Variants in FERRY3 observed in about 807,000 individuals in gnomAD.
The protein encoded by FERRY3 is protein C12orf4.
the FERRY3 span, among the ~76,000 whole-genome samples, chr12:4,523,011 G>T: frequency 6.6e-6 from 1 of 152,160 alleles, no homozygotes; most frequent in Non-Finnish European, 1.5e-5. Flanking sequence ...TTTGATTGTG[G>T]TGATGATTTT....
chr12:4,526,294 G>T, the FERRY3 span, among the ~76,000 whole-genome samples: 1 of 152,062 alleles, frequency 6.6e-6, no homozygotes, highest in Admixed American at 6.5e-5. Flanking sequence ...TCTGGGCAAT[G>T]GTTACATGGT....
At chr12:4,510,651 C>T in the FERRY3 span, among the ~76,000 whole-genome samples, 91 of 151,396 alleles carry the variant, frequency 6.0e-4, 1 homozygote, top group African/African-American at 2.2e-3. Context: ...AACTAAGCTT[C>T]GTAAGTGAAG....
chr12:4,520,390 C>T, the FERRY3 span, among the ~76,000 whole-genome samples: 58 of 152,188 alleles, frequency 3.8e-4, no homozygotes, highest in Non-Finnish European at 7.6e-4. Context: ...GGACCCCCAA[C>T]TATGAGCCTA....
the FERRY3 span, chr12:4,535,995 T>TAAA: frequency 1.7e-5 from 20 of 1,174,888 alleles, no homozygotes; most frequent in East Asian, 6.3e-5. The surrounding 1 kb of genome is among the most constrained non-coding windows in gnomAD (Gnocchi z 4.0). Flanking sequence ...TGGTGTTACT[T>TAAA]AAAAAAAAAA....
At chr12:4,523,285 G>A in the FERRY3 span, among the ~76,000 whole-genome samples, 1 of 152,288 alleles carries the variant, frequency 6.6e-6, no homozygotes, top group African/African-American at 2.4e-5. Flanking sequence ...AGGAATACTT[G>A]ATTTTTAAAA....
the FERRY3 span, among the ~76,000 whole-genome samples, chr12:4,528,285 C>T: frequency 6.6e-6 from 1 of 152,054 alleles, no homozygotes; most frequent in Admixed American, 6.5e-5. Flanking sequence ...AAATGAAGTT[C>T]AACAGAAAGT....
the FERRY3 span, among the ~76,000 whole-genome samples, chr12:4,496,752 G>A: frequency 6.6e-6 from 1 of 152,158 alleles, no homozygotes; most frequent in Non-Finnish European, 1.5e-5. Flanking sequence ...TTCACTGTAT[G>A]TCTTGGAATT....
chr12:4,534,529 G>A, the FERRY3 span, among the ~76,000 whole-genome samples: 7 of 151,956 alleles, frequency 4.6e-5, no homozygotes, highest in Non-Finnish European at 1.0e-4. Context: ...TCAGCCTCCC[G>A]AGTAGCTGGG....
chr12:4,509,650 C>G, the FERRY3 span, among the ~76,000 whole-genome samples: 3,700 of 141,814 alleles, frequency 0.026, 295 homozygotes, highest in African/African-American at 0.089. Flanking sequence ...TGACACCTCA[C>G]ACGGCAGGGT....
chr12:4,531,723 C>A, the FERRY3 span, among the ~76,000 whole-genome samples: 2 of 152,194 alleles, frequency 1.3e-5, no homozygotes, highest in Non-Finnish European at 2.9e-5. Flanking sequence ...CACCCCTTAT[C>A]TTTCATGGCC....
chr12:4,512,222 AG>A, the FERRY3 span, among the ~76,000 whole-genome samples: 4 of 143,260 alleles, frequency 2.8e-5, no homozygotes, highest in Admixed American at 6.9e-5. Flanking sequence ...GACCAATAAC[AG>A]GATCTGAAAT....
At chr12:4,500,236 G>C in the FERRY3 span, 1 of 1,613,894 alleles carries the variant, frequency 6.2e-7, no homozygotes, top group Non-Finnish European at 8.5e-7. Flanking sequence ...ATAATGGCAG[G>C]ATCACGAGCA....
At chr12:4,522,000 C>T in the FERRY3 span, among the ~76,000 whole-genome samples, 1 of 152,206 alleles carries the variant, frequency 6.6e-6, no homozygotes, top group Non-Finnish European at 1.5e-5. Flanking sequence ...ACGTCCTATA[C>T]ATTTGTCCAA....
At chr12:4,496,393 GCCAGGTAA>G in the FERRY3 span, among the ~76,000 whole-genome samples, 4 of 152,152 alleles carry the variant, frequency 2.6e-5, no homozygotes, top group Non-Finnish European at 5.9e-5. Context: ...AACATAGTGG[GCCAGGTAA>G]CAGTACAGAA....
chr12:4,518,736 A>G, the FERRY3 span: 2 of 1,130,546 alleles, frequency 1.8e-6, no homozygotes, highest in Non-Finnish European at 2.6e-6. Context: ...TTCAGAAGTT[A>G]CAATAAATTA....
chr12:4,495,456 C>T, the FERRY3 span, among the ~76,000 whole-genome samples: 1 of 152,102 alleles, frequency 6.6e-6, no homozygotes, highest in African/African-American at 2.4e-5. Flanking sequence ...TATGATTAGC[C>T]TTGAATTATT....
chr12:4,491,080 C>A, the FERRY3 span: 1 of 1,057,774 alleles, frequency 9.5e-7, no homozygotes, highest in South Asian at 1.3e-5. Flanking sequence ...CACTAGATTA[C>A]AGGGGTATCT....
chr12:4,536,221 T>C, the FERRY3 span: 1 of 1,490,698 alleles, frequency 6.7e-7, no homozygotes, highest in South Asian at 1.3e-5. Context: ...TCTACAGAAC[T>C]AACAAAAAAG....
chr12:4,525,114 TAA>T, the FERRY3 span: 15 of 1,066,174 alleles, frequency 1.4e-5, no homozygotes, highest in Non-Finnish European at 2.0e-5. Flanking sequence ...CAAAAGGTGG[TAA>T]AAGCACAGCA....
Sources: allele counts gnomAD v4.1 joint callset (sites outside exome capture counted in the v4.1 genomes callset), GRCh38; gene constraint gnomAD v4.1.1; non-coding constraint Gnocchi (gnomAD v3.1); transcripts MANE v1.5; gene names NCBI Gene and HGNC (gene_info 2026-07-23, HGNC 2026-07-21).